The following RASGRF1 variants were observed in gnomAD, a reference collection of about 807,000 sequenced individuals.
RASGRF1 encodes the protein Ras protein specific guanine nucleotide releasing factor 1.
In RASGRF1, 40 loss-of-function variants were observed where a neutral mutation model predicts 138.7. The ratio of observed to expected loss-of-function variants is 0.29; its 90% CI spans 0.22 to 0.38. The LOEUF is 0.38. Among genes scored for constraint, RASGRF1 ranks in the 10% least tolerant of loss-of-function variants. The pLI is 1.00. For missense variants in RASGRF1, 1,108 were observed against 1,650.4 expected, an observed-to-expected ratio of 0.67 and a Z score of 5.69; for synonymous variants, 614 against 663.2, an observed-to-expected ratio of 0.93 and a Z score of 1.14.
At position 78,991,716 on chromosome 15, in the gene RASGRF1, G is replaced by A. The variant is rs775882844; in HGVS notation, c.3106C>T (p.Leu1036Phe). 2 of 1,614,036 alleles carry A rather than the reference G, an allele frequency of 1.2e-6. No individual in the cohort carries two copies. Among genetic ancestry groups the A allele is most frequent in the Admixed American group, 1.7e-5 (1 of 60,004 alleles). Residue 1036 changes from leucine to phenylalanine, a missense_variant, in exon 21 of 27, where the codon CTC becomes TTC. This residue lies in a region of RASGRF1 where 686 missense variants were observed against 976.7 expected (regional missense o/e 0.70). Coordinates refer to ENST00000558480, the MANE Select transcript of RASGRF1 (RefSeq NM_001145648.3). ...IAEQLTLLDH[L>F]VFKKIPYEEF... ...TCATAAGGAATCTTCTTGAAGACGA[G>A]GTGATCTAGCAGGGTCAGCTGCTCC...
intron 10 of RASGRF1, among the ~76,000 whole-genome samples, chr15:79,022,940 C>T (rs536525380): frequency 1.3e-5 from 2 of 152,188 alleles, no homozygotes; most frequent in East Asian, 1.9e-4. Flanking sequence ...TTTGGGAGGC[C>T]GAGGCAGGCG....
chr15:79,021,582 G>A (rs1330308694), intron 10 of RASGRF1, among the ~76,000 whole-genome samples: 3 of 152,210 alleles, frequency 2.0e-5, no homozygotes, highest in East Asian at 1.9e-4. Flanking sequence ...CCTTCAGAAA[G>A]GACTTAAGGC....
chr15:79,021,330 T>G (rs1042162096), intron 10 of RASGRF1, among the ~76,000 whole-genome samples: 1 of 152,254 alleles, frequency 6.6e-6, no homozygotes, highest in Non-Finnish European at 1.5e-5. Flanking sequence ...TGAAAATGCT[T>G]GCAGAGCAGG....
At chr15:79,053,714 G>A (rs769141063) in intron 3 of RASGRF1, among the ~76,000 whole-genome samples, 7 of 152,200 alleles carry the variant, frequency 4.6e-5, no homozygotes, top group East Asian at 1.9e-4. Flanking sequence ...GAGATGGCTG[G>A]GGTGGGTGCC....
At chr15:78,995,290 C>CTT (rs35098582) in intron 20 of RASGRF1, among the ~76,000 whole-genome samples, 17,458 of 132,198 alleles carry the variant, frequency 0.13, 1,283 homozygotes, top group Admixed American at 0.14. Flanking sequence ...TTTTTTCTTT[C>CTT]TTTTTTTTTT....
rs1046273855 is a variant in RASGRF1 at position 79,032,667 on chromosome 15, C to T, written c.959-351G>A. 2.6e-5 allele frequency among the ~76,000 whole-genome samples: 4 copies of T among 152,204 alleles called. No individual in the cohort carries two copies. The highest frequency in any genetic ancestry group is 9.6e-5 in the African/African-American group (4 of 41,458). On this transcript the variant is annotated intron_variant, in intron 6 of 26. Transcript: ENST00000558480. This position sits in a 1 kb window ranked among gnomAD's most constrained non-coding sequence, Gnocchi z 4.5. ...AGGAGTGCTGGTGGCCGATGGCTGT[C>T]AGCTGGGTCCCTCTCCAGGCATTGC...
In RASGRF1 at chr15:79,073,585, G is replaced by T. The variant is rs1235665613; in HGVS notation, c.277-9059C>A. On this transcript the variant is annotated intron_variant, in intron 1 of 26. Transcript: ENST00000558480. The surrounding 1 kb of genome is among the most constrained non-coding windows in gnomAD (Gnocchi z 4.2). ...CGAGGGTGGCACTGGCAGACACGGG[G>T]TGCCGCTGAGTTGCACTGAGGGTGG... Among the ~76,000 whole-genome samples, 2 of 152,172 alleles carry T rather than the reference G, an allele frequency of 1.3e-5. No homozygotes were observed. Among genetic ancestry groups the T allele is most frequent in the African/African-American group, 4.8e-5 (2 of 41,442 alleles).
chr15:78,999,386 A>G (rs1039450591), intron 17 of RASGRF1, among the ~76,000 whole-genome samples: 8 of 152,148 alleles, frequency 5.3e-5, no homozygotes, highest in African/African-American at 1.2e-4. Flanking sequence ...GGTGCAGGGC[A>G]CGCTGTGCCC....
chr15:79,046,595 G>T lies in RASGRF1; in HGVS notation c.878+151C>A. 1 of 1,311,676 alleles carries T rather than the reference G, an allele frequency of 7.6e-7. No individual in the cohort carries two copies. Among genetic ancestry groups the T allele is most frequent in the Non-Finnish European group, 1.1e-6 (1 of 950,888 alleles). The allele number at this position is 1,311,676 out of a possible 1,614,324, so 81.3% of individuals were successfully genotyped here. ...AGACCCCACAATTATTGGGGTTGGT[G>T]GTTTCTAGCCACGTGATCTTGGGCA... is the stretch of plus-strand genomic sequence containing the variant. On this transcript the variant is annotated intron_variant, in intron 5 of 26. Transcript: ENST00000558480. This position sits in a 1 kb window ranked among gnomAD's most constrained non-coding sequence, Gnocchi z 5.3.
chr15:79,017,318 T>C (rs1161553880), intron 12 of RASGRF1, among the ~76,000 whole-genome samples: 1 of 152,204 alleles, frequency 6.6e-6, no homozygotes, highest in East Asian at 1.9e-4. Flanking sequence ...AAGCTACCCT[T>C]GGCTTTCAGG....
intron 20 of RASGRF1, among the ~76,000 whole-genome samples, chr15:78,992,017 G>A (rs922512246): frequency 3.9e-5 from 6 of 152,198 alleles, no homozygotes; most frequent in African/African-American, 9.7e-5. Flanking sequence ...GTGCCGGTGT[G>A]TGCAGCCCAG....
Position 79,040,236 on chromosome 15 carries a change from T to TC in RASGRF1, c.879-5027dup, listed in dbSNP as rs1350293422. Among the ~76,000 whole-genome samples, 11 of 151,660 alleles carry TC rather than the reference T, an allele frequency of 7.3e-5. No homozygotes were observed. The South Asian group carries it at 2.3e-3, about 32-fold the overall frequency. On this transcript the variant is annotated intron_variant, in intron 5 of 26. Transcript: ENST00000558480. ...AACCTGGGAATCACCTATCACCCCC[T>TC]CCCCCCTTCATCCCTATATCTACTC... is the stretch of plus-strand genomic sequence containing the variant.
At chr15:79,021,591 G>A (rs191146218) in intron 10 of RASGRF1, among the ~76,000 whole-genome samples, 1 of 152,200 alleles carries the variant, frequency 6.6e-6, no homozygotes, top group African/African-American at 2.4e-5. Flanking sequence ...AGGACTTAAG[G>A]CATTCTATTG....
At chr15:79,023,200 G>A (rs2056988084) in intron 10 of RASGRF1, among the ~76,000 whole-genome samples, 1 of 151,430 alleles carries the variant, frequency 6.6e-6, no homozygotes, top group African/African-American at 2.4e-5. Flanking sequence ...AGCACCTTCT[G>A]GCCCTTTCCA....
chr15:79,049,559 G>A lies in RASGRF1; in HGVS notation c.561C>T (p.Arg187=), dbSNP rs144061821. 41 of 1,613,858 alleles carry A rather than the reference G, an allele frequency of 2.5e-5. No individual in the cohort carries two copies. Among genetic ancestry groups the A allele is most frequent in the Non-Finnish European group, 3.1e-5 (37 of 1,179,960 alleles). ...GGGCGACAGTCTGGGTGGACTGGATGCGCTCATTGTCCTTGAGCAGGGATG... is the reference window on the plus strand; with the variant it reads ...GGGCGACAGTCTGGGTGGACTGGATACGCTCATTGTCCTTGAGCAGGGATG... ...EITSLLKDNE[R]IQSTQTVAPN... is the part of the protein sequence containing the mutation. The change falls in exon 4 of 27, where the codon CGC becomes CGT. Residue 187 remains arginine (R), a synonymous_variant. Coordinates refer to ENST00000558480, the MANE Select transcript of RASGRF1 (RefSeq NM_001145648.3).
intron 5 of RASGRF1, 125 bp from the exon 6 acceptor site, chr15:79,035,335 A>C: frequency 1.4e-6 from 1 of 711,916 alleles, no homozygotes; most frequent in Admixed American, 3.0e-5. Flanking sequence ...CCTTAACGTG[A>C]AAACTGCACC....
At chr15:79,082,588 G>A (rs540155374) in intron 1 of RASGRF1, among the ~76,000 whole-genome samples, 9 of 152,336 alleles carry the variant, frequency 5.9e-5, no homozygotes, top group South Asian at 4.1e-4. Flanking sequence ...AGGCCACTGC[G>A]TAAGATGAGT....
intron 20 of RASGRF1, among the ~76,000 whole-genome samples, chr15:78,995,293 T>C (rs1307779492): frequency 5.8e-5 from 3 of 51,410 alleles, no homozygotes; most frequent in African/African-American, 1.0e-4. Flanking sequence ...TTTCTTTCTT[T>C]TTTTTTTTTT....
chr15:79,011,352 T>C (rs1252691206), intron 13 of RASGRF1, among the ~76,000 whole-genome samples: 1 of 152,138 alleles, frequency 6.6e-6, no homozygotes, highest in African/African-American at 2.4e-5. Flanking sequence ...ACAGAAGATT[T>C]ATACTAGACA....
Sources: gnomAD v4.1 joint callset for allele counts (sites outside exome capture counted in the v4.1 genomes callset) on GRCh38, gnomAD v4.1.1 for gene constraint, gnomAD v4.1.1 regional missense constraint, Gnocchi (gnomAD v3.1) non-coding constraint, MANE v1.5 for transcripts, NCBI Gene and HGNC (gene_info 2026-07-23, HGNC 2026-07-21) for gene names.